Variants in CHRM3 observed in about 807,000 individuals in gnomAD.
CHRM3 encodes cholinergic receptor muscarinic 3, also known as muscarinic acetylcholine receptor M3.
CHRM3 carries 11 observed loss-of-function variants against 41.8 expected under a neutral mutation model. The ratio of observed to expected loss-of-function variants is 0.26; its 90% CI spans 0.17 to 0.44. CHRM3 has a LOEUF of 0.44. Ranked by LOEUF, CHRM3 falls within the 20% of genes least tolerant of loss-of-function variation. The pLI is 1.00. For synonymous variants in CHRM3, 297 were observed against 301.4 expected (o/e 0.99, Z 0.15); for missense variants, 571 against 745.4 (o/e 0.77, Z 2.72).
At chr1:239,678,159 C>T (rs933218737) in intron 4 of CHRM3, 27 bp from the exon 5 acceptor site, 3 of 152,186 alleles carry the variant, frequency 2.0e-5, no homozygotes, top group African/African-American at 7.2e-5. Context: ...TTATTTTAAA[C>T]TTACCCCTTC....
At position 239,907,864 on chromosome 1, in the gene CHRM3, A is replaced by G. The variant is rs766074699; in HGVS notation, c.413A>G (p.Asn138Ser). 5 of 1,614,214 alleles carry G rather than the reference A, an allele frequency of 3.1e-6. No homozygotes were observed. The highest frequency in any genetic ancestry group is 3.3e-5 in the Admixed American group (2 of 60,020). The change falls in exon 7 of 7, where the codon AAC becomes AGC. Residue 138 changes from asparagine (N) to serine (S), a missense_variant. By Grantham distance (46) the Asn-to-Ser change is conservative. This residue lies in a region of CHRM3 where 153 missense variants were observed against 296.3 expected (regional missense o/e 0.52). Transcript: ENST00000676153. This position sits in a 1 kb window ranked among gnomAD's most constrained non-coding sequence, Gnocchi z 5.4. ...YIIMNRWALG[N>S]LACDLWLAID... is the part of the protein sequence containing the mutation. ...ATCATGAATCGATGGGCCTTAGGGAACTTGGCCTGTGACCTCTGGCTTGCC... is the reference window on the plus strand; with the variant it reads ...ATCATGAATCGATGGGCCTTAGGGAGCTTGGCCTGTGACCTCTGGCTTGCC...
intron 6 of CHRM3, among the ~76,000 whole-genome samples, chr1:239,844,821 G>A (rs1674128892): frequency 6.6e-6 from 1 of 152,134 alleles, no homozygotes; most frequent in Admixed American, 6.6e-5. Flanking sequence ...TTATGCACCT[G>A]GCTTTAAAGC....
At chr1:239,816,715 C>A (rs1170283397) in intron 5 of CHRM3, among the ~76,000 whole-genome samples, 1 of 148,492 alleles carries the variant, frequency 6.7e-6, no homozygotes, top group Non-Finnish European at 1.5e-5. Flanking sequence ...TAATATCCAG[C>A]CTGTCTGTGC....
chr1:239,607,336 C>T (rs1053004492), intron 3 of CHRM3, among the ~76,000 whole-genome samples: 1 of 151,420 alleles, frequency 6.6e-6, no homozygotes. Context: ...GGCAACTGCA[C>T]AAAAAAAATG....
At chr1:239,820,943 A>G (rs1297154021) in intron 5 of CHRM3, among the ~76,000 whole-genome samples, 2 of 152,198 alleles carry the variant, frequency 1.3e-5, no homozygotes, top group African/African-American at 4.8e-5. Flanking sequence ...CTCACACAAT[A>G]TGGGCATTGA....
intron 3 of CHRM3, chr1:239,606,291 G>C (rs371137936): frequency 1.9e-4 from 29 of 150,032 alleles, no homozygotes; most frequent in African/African-American, 6.2e-4. Context: ...GGAGGGTGCG[G>C]GGGGGGAAGA....
chr1:239,438,880 A>C (rs1663483200), intron 1 of CHRM3, among the ~76,000 whole-genome samples: 1 of 152,236 alleles, frequency 6.6e-6, no homozygotes, highest in Non-Finnish European at 1.5e-5. Context: ...AATGTGCACC[A>C]GTCATTAAAA....
At chr1:239,474,508 T>C (rs1014535155) in intron 1 of CHRM3, among the ~76,000 whole-genome samples, 1 of 152,148 alleles carries the variant, frequency 6.6e-6, no homozygotes, top group Admixed American at 6.5e-5. Context: ...TAACTTGTTT[T>C]TCTCACTCTT....
chr1:239,395,490 C>T (rs1171193424), intron 1 of CHRM3, among the ~76,000 whole-genome samples: 1 of 152,126 alleles, frequency 6.6e-6, no homozygotes, highest in Non-Finnish European at 1.5e-5. Context: ...TAGCCAGGTA[C>T]CGAATTCTAA....
chr1:239,548,084 G>C (rs1175349255), intron 3 of CHRM3, among the ~76,000 whole-genome samples: 1 of 152,102 alleles, frequency 6.6e-6, no homozygotes, highest in Non-Finnish European at 1.5e-5. Context: ...TCATAATCAT[G>C]AGTTCTATAT....
At chr1:239,460,060 A>C (rs1292716583) in intron 1 of CHRM3, among the ~76,000 whole-genome samples, 1 of 152,210 alleles carries the variant, frequency 6.6e-6, no homozygotes, top group African/African-American at 2.4e-5. Flanking sequence ...ACTTGCACAA[A>C]GTTACATGGC....
intron 1 of CHRM3, among the ~76,000 whole-genome samples, chr1:239,462,521 G>T (rs566079169): frequency 1.3e-5 from 2 of 152,184 alleles, no homozygotes; most frequent in South Asian, 4.2e-4. Flanking sequence ...ATTTCAATTT[G>T]TACCTTCACA....
intron 1 of CHRM3, among the ~76,000 whole-genome samples, chr1:239,392,987 G>A (rs561109839): frequency 6.6e-6 from 1 of 152,070 alleles, no homozygotes; most frequent in African/African-American, 2.4e-5. Context: ...GTGGTATTTT[G>A]TAGACTCACA....
intron 5 of CHRM3, among the ~76,000 whole-genome samples, chr1:239,768,032 G>T (rs1667361281): frequency 6.6e-6 from 1 of 152,090 alleles, no homozygotes; most frequent in Non-Finnish European, 1.5e-5. Flanking sequence ...TCCAGAGTAT[G>T]TCAATAGATA....
At chr1:239,505,892 T>G (rs1668534935) in intron 2 of CHRM3, among the ~76,000 whole-genome samples, 1 of 152,190 alleles carries the variant, frequency 6.6e-6, no homozygotes, top group Admixed American at 6.5e-5. Flanking sequence ...GATGAGGAAC[T>G]TCTTAGCAAC....
At chr1:239,612,068 C>T (rs1218307733) in intron 3 of CHRM3, among the ~76,000 whole-genome samples, 4 of 152,118 alleles carry the variant, frequency 2.6e-5, no homozygotes, top group South Asian at 4.1e-4. Flanking sequence ...TCTCATCTCC[C>T]CATGAATCTG....
chr1:239,561,662 T>C (rs1277681781), intron 3 of CHRM3, among the ~76,000 whole-genome samples: 1 of 151,824 alleles, frequency 6.6e-6, no homozygotes, highest in Non-Finnish European at 1.5e-5. Flanking sequence ...ATCAAAAGAT[T>C]GTTAATATTA....
chr1:239,503,660 CA>C (rs1668386428), intron 2 of CHRM3, among the ~76,000 whole-genome samples: 2 of 152,004 alleles, frequency 1.3e-5, no homozygotes, highest in African/African-American at 2.4e-5. Context: ...ACCTGATTTC[CA>C]ACTATACTAT....
chr1:239,732,315 C>G (rs1168189471), intron 5 of CHRM3, among the ~76,000 whole-genome samples: 4 of 62,032 alleles, frequency 6.4e-5, no homozygotes, highest in Non-Finnish European at 3.4e-5. Context: ...ATAAGTATAC[C>G]TAATATCTCA....
Sources: gnomAD v4.1 joint callset for allele counts (sites outside exome capture counted in the v4.1 genomes callset) on GRCh38, gnomAD v4.1.1 for gene constraint, gnomAD v4.1.1 regional missense constraint, Gnocchi (gnomAD v3.1) non-coding constraint, MANE v1.5 for transcripts, NCBI Gene and HGNC (gene_info 2026-07-23, HGNC 2026-07-21) for gene names.